The following BNIP3L variants were observed in gnomAD, a reference collection of about 807,000 sequenced individuals.
BNIP3L encodes BCL2 interacting protein 3 like, also known as BCL2/adenovirus E1B 19 kDa protein-interacting protein 3-like.
In BNIP3L, 10 loss-of-function variants were observed where a neutral mutation model predicts 25.5. The observed-to-expected ratio is 0.39, with a 90% CI of 0.24 to 0.67. BNIP3L has a LOEUF of 0.67. BNIP3L is among the 30% of genes least tolerant of loss of function. BNIP3L has a pLI of 0.45. For missense variants in BNIP3L, 215 were observed against 270.9 expected, an observed-to-expected ratio of 0.79 and a Z score of 1.45; for synonymous variants, 113 against 101.2, an observed-to-expected ratio of 1.12 and a Z score of -0.70.
chr8:26,401,927 A>C (rs1027380075), intron 3 of BNIP3L, among the ~76,000 whole-genome samples: 2 of 152,226 alleles, frequency 1.3e-5, no homozygotes, highest in African/African-American at 4.8e-5. Flanking sequence ...AGATCACCTA[A>C]AAGTGTCATT....
intron 3 of BNIP3L, among the ~76,000 whole-genome samples, chr8:26,406,500 A>G (rs1437652413): frequency 6.6e-6 from 1 of 152,080 alleles, no homozygotes; most frequent in Non-Finnish European, 1.5e-5. Context: ...AATTATTTTT[A>G]TAGGGTTATT....
Position 26,412,656 on chromosome 8 carries a change from C to G in BNIP3L, c.*2244C>G, listed in dbSNP as rs1239657922. The G allele has an allele frequency of 6.6e-6, 1 of 152,608 alleles. No individual in the cohort carries two copies. Among genetic ancestry groups the G allele is most frequent in the African/African-American group, 2.4e-5 (1 of 41,444 alleles). The allele number at this position is 152,608 out of a possible 1,614,324, so 9.5% of individuals were successfully genotyped here. The stretch of plus-strand genomic sequence containing the variant: ...CCTAACACATGGGATGAACGTTTTA[C>G]TGCTACACCCAGATTTGTGTTGAAC... On this transcript the variant is annotated 3_prime_UTR_variant, in exon 6 of 6. Coordinates refer to ENST00000380629, the MANE Select transcript of BNIP3L (RefSeq NM_004331.3).
At chr8:26,383,302 G>C in intron 1 of BNIP3L, 72 bp downstream of exon 1, 1 of 1,544,088 alleles carries the variant, frequency 6.5e-7, no homozygotes, top group South Asian at 1.2e-5. Flanking sequence ...CCACCGGCGC[G>C]GCGCGGGAGG....
chr8:26,396,640 C>T (rs1305834404), intron 3 of BNIP3L, among the ~76,000 whole-genome samples: 2 of 151,176 alleles, frequency 1.3e-5, no homozygotes, highest in Admixed American at 1.3e-4. Context: ...TTTTGACGAG[C>T]TGAGAGAAGA....
chr8:26,391,348 G>C lies in BNIP3L; in HGVS notation c.206G>C (p.Gly69Ala). Residue 69 changes from glycine (G) to alanine (A), a missense_variant, in exon 2 of 6, where the codon GGA becomes GCA. Transcript: ENST00000380629. ...HVPSSSSIHN[G>A]DMEKILLDAQ... ...CCATCCTCATCCTCCATCCACAATG[G>C]AGACATGGAGAAGATTCTTTTGGAT... is the stretch of plus-strand genomic sequence containing the variant. 1 of 1,611,032 alleles carries C rather than the reference G, an allele frequency of 6.2e-7. No individual in the cohort carries two copies. The highest frequency in any genetic ancestry group is 8.5e-7 in the Non-Finnish European group (1 of 1,178,852).
At chr8:26,396,416 G>C (rs1585434760) in intron 3 of BNIP3L, among the ~76,000 whole-genome samples, 1 of 89,760 alleles carries the variant, frequency 1.1e-5, no homozygotes, top group African/African-American at 4.5e-5. Flanking sequence ...TGAGGGTCCT[G>C]TCTGTTAGAA....
At chr8:26,385,886 C>T (rs1369293499) in intron 1 of BNIP3L, among the ~76,000 whole-genome samples, 3 of 152,142 alleles carry the variant, frequency 2.0e-5, no homozygotes, top group African/African-American at 7.2e-5. Flanking sequence ...TCACTCTGTT[C>T]GTTTTTTTAG....
intron 3 of BNIP3L, among the ~76,000 whole-genome samples, chr8:26,406,472 G>A (rs1043264244): frequency 1.3e-5 from 2 of 152,126 alleles, no homozygotes; most frequent in African/African-American, 4.8e-5. Flanking sequence ...CTCCTCATCT[G>A]TAAAATGGGA....
chr8:26,402,148 A>G (rs1806398409), intron 3 of BNIP3L, among the ~76,000 whole-genome samples: 1 of 152,184 alleles, frequency 6.6e-6, no homozygotes, highest in African/African-American at 2.4e-5. Flanking sequence ...GAATTCCTCT[A>G]TACTTTACTA....
At chr8:26,398,539 C>T (rs1383059002) in intron 3 of BNIP3L, among the ~76,000 whole-genome samples, 3 of 133,678 alleles carry the variant, frequency 2.2e-5, no homozygotes, top group Non-Finnish European at 3.2e-5. Flanking sequence ...CCAAAATTGA[C>T]ACCCTAGCAT....
rs1806616636 is a variant in BNIP3L, at chr8:26,411,230, A to G, written c.*818A>G. 6.6e-6 allele frequency: 1 copy of G among 152,474 alleles called. No homozygotes were observed. The highest frequency in any genetic ancestry group is 1.5e-5 in the Non-Finnish European group (1 of 67,994). The allele number at this position is 152,474 out of a possible 1,614,324, so 9.4% of individuals were successfully genotyped here. On this transcript the variant is annotated 3_prime_UTR_variant, in exon 6 of 6. Coordinates refer to ENST00000380629, the MANE Select transcript of BNIP3L (RefSeq NM_004331.3). ...TTTGAGATTTTTGCGTGTGTGTTTG[A>G]TATTTTTTACGATAATTAGCTGCAT...
intron 5 of BNIP3L, among the ~76,000 whole-genome samples, chr8:26,408,833 C>G (rs994732174): frequency 5.4e-5 from 8 of 147,752 alleles, no homozygotes; most frequent in Non-Finnish European, 1.5e-5. Flanking sequence ...GATCATGCCA[C>G]TGCACTCCAG....
At chr8:26,408,452 A>G in intron 5 of BNIP3L, 76 bp downstream of exon 5, 1 of 1,488,398 alleles carries the variant, frequency 6.7e-7, no homozygotes, top group Non-Finnish European at 9.1e-7. Flanking sequence ...AATGTATGTG[A>G]AAGCAGTTTT....
intron 3 of BNIP3L, chr8:26,395,989 G>A (rs1200675679): frequency 8.1e-4 from 127 of 156,952 alleles, no homozygotes; most frequent in Non-Finnish European, 1.3e-3. Context: ...ACGGAATCTC[G>A]CTGATTGCTA....
chr8:26,395,716 G>A (rs1033582749), intron 3 of BNIP3L: 3 of 190,872 alleles, frequency 1.6e-5, no homozygotes, highest in Non-Finnish European at 3.3e-5. Context: ...GAGGTACCGG[G>A]TTCATCTCAC....
At chr8:26,390,228 ACAT>A in intron 1 of BNIP3L, 1 of 513,258 alleles carries the variant, frequency 1.9e-6, no homozygotes, top group Non-Finnish European at 2.5e-6. Flanking sequence ...TGCTGGGATT[ACAT>A]GTGTGAGCCA....
At chr8:26,389,960 G>C (rs1228369131) in intron 1 of BNIP3L, among the ~76,000 whole-genome samples, 3 of 152,176 alleles carry the variant, frequency 2.0e-5, no homozygotes, top group Non-Finnish European at 4.4e-5. Context: ...TAACACTTCT[G>C]CTGGGAGTTT....
In BNIP3L at chr8:26,408,121, T is replaced by C; in HGVS notation, c.461+18T>C. ...CCACCCAAGTGAGTTCTCACATGTT[T>C]CTTGTCAGTGGACACAGTTGATCTG... On this transcript the variant is annotated intron_variant, in intron 4 of 5. Coordinates refer to ENST00000380629, the MANE Select transcript of BNIP3L (RefSeq NM_004331.3). 1 of 1,613,488 alleles carries C rather than the reference T, an allele frequency of 6.2e-7. No homozygotes were observed. Among genetic ancestry groups the C allele is most frequent in the Non-Finnish European group, 8.5e-7 (1 of 1,179,366 alleles).
At chr8:26,399,729 A>G (rs1806326080) in intron 3 of BNIP3L, among the ~76,000 whole-genome samples, 1 of 69,786 alleles carries the variant, frequency 1.4e-5, no homozygotes, top group African/African-American at 5.7e-5. Context: ...GTCTCAGGAT[A>G]CAAAATCAAT....
Sources: allele counts gnomAD v4.1 joint callset (sites outside exome capture counted in the v4.1 genomes callset), GRCh38; gene constraint gnomAD v4.1.1; transcripts MANE v1.5; gene names NCBI Gene and HGNC (gene_info 2026-07-23, HGNC 2026-07-21).